Variants in TRIM9 observed in about 807,000 individuals in gnomAD.
The protein encoded by TRIM9 is tripartite motif containing 9.
A neutral mutation model predicts 78.3 loss-of-function variants in TRIM9; 26 were observed. That is an observed-to-expected ratio of 0.33 (90% CI 0.24 to 0.46). The LOEUF is 0.46. TRIM9 is among the 20% of genes least tolerant of loss of function. The pLI is 1.00. For missense variants in TRIM9, 787 were observed against 1,036.4 expected (o/e 0.76, Z 3.30); for synonymous variants, 398 against 416.5 (o/e 0.96, Z 0.54).
At chr14:51,087,634 A>T (rs934947764) in intron 1 of TRIM9, among the ~76,000 whole-genome samples, 1 of 152,198 alleles carries the variant, frequency 6.6e-6, no homozygotes, top group Non-Finnish European at 1.5e-5. Context: ...CATTTTATAG[A>T]TAACTCTTGT....
At chr14:51,076,185 T>C (rs2062767013) in intron 1 of TRIM9, among the ~76,000 whole-genome samples, 1 of 152,206 alleles carries the variant, frequency 6.6e-6, no homozygotes, top group South Asian at 2.1e-4. Context: ...ATAAATAACT[T>C]ACCAAAGACA....
At chr14:51,033,793 C>G (rs1226927713) in intron 1 of TRIM9, among the ~76,000 whole-genome samples, 3 of 152,140 alleles carry the variant, frequency 2.0e-5, no homozygotes, top group African/African-American at 7.2e-5. Context: ...TATTATAGAT[C>G]AAGCAGATAA....
chr14:50,978,341 A>T (rs2051332424), intron 12 of TRIM9, among the ~76,000 whole-genome samples: 1 of 152,132 alleles, frequency 6.6e-6, no homozygotes, highest in Non-Finnish European at 1.5e-5. Flanking sequence ...CCAGCTCAGG[A>T]GGGAAGTGAA....
At chr14:50,989,754 C>A (rs532273300) in intron 7 of TRIM9, among the ~76,000 whole-genome samples, 4 of 152,136 alleles carry the variant, frequency 2.6e-5, no homozygotes, top group Admixed American at 6.5e-5. Flanking sequence ...GGACTGTGTT[C>A]GTAACGAATA....
At chr14:50,983,955 T>G (rs540154720) in intron 8 of TRIM9, among the ~76,000 whole-genome samples, 29 of 152,318 alleles carry the variant, frequency 1.9e-4, no homozygotes, top group African/African-American at 7.0e-4. Context: ...GTGTTAAAAC[T>G]GCCTCCTTTC....
At chr14:51,013,265 C>T (rs2056790514) in intron 3 of TRIM9, among the ~76,000 whole-genome samples, 1 of 150,944 alleles carries the variant, frequency 6.6e-6, no homozygotes, top group Non-Finnish European at 1.5e-5. Context: ...CCAATTTTCC[C>T]CACACCACTT....
At chr14:50,982,436 G>A in intron 10 of TRIM9, 1 of 383,992 alleles carries the variant, frequency 2.6e-6, no homozygotes, top group Non-Finnish European at 4.9e-6. Context: ...GAGACATAAA[G>A]GGAGAGGGGA....
At chr14:51,039,848 A>G (rs1237011051) in intron 1 of TRIM9, among the ~76,000 whole-genome samples, 2 of 151,740 alleles carry the variant, frequency 1.3e-5, no homozygotes, top group South Asian at 2.1e-4. Flanking sequence ...CCGGGTTCAC[A>G]CCATTCTCCT....
intron 1 of TRIM9, among the ~76,000 whole-genome samples, chr14:51,025,758 G>T (rs1176561505): frequency 9.3e-6 from 1 of 107,190 alleles, no homozygotes; most frequent in Non-Finnish European, 1.9e-5. Context: ...TATTGGTCTG[G>T]GTAGGGCAGA....
intron 5 of TRIM9, among the ~76,000 whole-genome samples, chr14:51,008,507 A>C (rs2056135116): frequency 6.6e-6 from 1 of 152,178 alleles, no homozygotes; most frequent in Non-Finnish European, 1.5e-5. Flanking sequence ...GTTTTCCTTA[A>C]AATATTTTCA....
intron 1 of TRIM9, 26 bp from the exon 2 acceptor site, chr14:51,025,386 G>C: frequency 6.2e-7 from 1 of 1,609,928 alleles, no homozygotes; most frequent in Non-Finnish European, 8.5e-7. Context: ...AGGAAGCCAT[G>C]GAGCTGTAAT....
At chr14:51,063,758 G>A (rs372834409) in intron 1 of TRIM9, among the ~76,000 whole-genome samples, 4 of 151,896 alleles carry the variant, frequency 2.6e-5, no homozygotes, top group Admixed American at 6.6e-5. Flanking sequence ...AAAAATTAAC[G>A]GAAAAGAAAG....
At position 51,025,063 on chromosome 14, in the gene TRIM9, G is replaced by A. The variant is rs535050349; in HGVS notation, c.918+202C>T. Among the ~76,000 whole-genome samples, 23 of 152,230 alleles carry A rather than the reference G, an allele frequency of 1.5e-4. No homozygotes were observed. In the South Asian group the frequency reaches 3.9e-3, roughly 26 times the overall value. On this transcript the variant is annotated intron_variant, in intron 2 of 12. Transcript: ENST00000684578. ...AGTTGGAAAATCAGGCTGTGTTTCC[G>A]GCTTGTTGGCAAAAAGTAACTACCT...
At chr14:51,063,644 T>C (rs766913285) in intron 1 of TRIM9, among the ~76,000 whole-genome samples, 2 of 152,044 alleles carry the variant, frequency 1.3e-5, no homozygotes, top group African/African-American at 2.4e-5. Flanking sequence ...AACAGCTGAC[T>C]TCTCACCAAA....
intron 1 of TRIM9, among the ~76,000 whole-genome samples, chr14:51,088,266 G>A (rs1251687525): frequency 6.6e-6 from 1 of 152,114 alleles, no homozygotes; most frequent in African/African-American, 2.4e-5. Flanking sequence ...AACTTGTGTG[G>A]CACTCTAACA....
rs111729443 is a variant in TRIM9, at chr14:51,024,919, T to G, written c.918+346A>C. Among the ~76,000 whole-genome samples, 1,133 of 152,278 alleles carry G rather than the reference T, an allele frequency of 7.4e-3. 10 individuals carry two copies. Among genetic ancestry groups the G allele is most frequent in the African/African-American group, 0.026 (1,088 of 41,544 alleles). On this transcript the variant is annotated intron_variant, in intron 2 of 12. Coordinates refer to ENST00000684578, the MANE Select transcript of TRIM9 (RefSeq NM_001387360.1). Reference sequence around the variant, plus strand: ...ATGATACAATTATTACAAGGTGTTTTGGAAACCTACAAGGTTTTACAAGCT... The same window carrying G: ...ATGATACAATTATTACAAGGTGTTTGGGAAACCTACAAGGTTTTACAAGCT...
intron 1 of TRIM9, among the ~76,000 whole-genome samples, chr14:51,037,717 A>T (rs983364872): frequency 6.6e-5 from 10 of 151,940 alleles, no homozygotes; most frequent in Admixed American, 2.0e-4. Context: ...CTTTAAAAAA[A>T]TTTTTTTTCA....
chr14:50,983,021 A>G lies in TRIM9; in HGVS notation c.1835-56T>C, dbSNP rs2052177104. 25 of 1,505,106 alleles carry G rather than the reference A, an allele frequency of 1.7e-5. No individual in the cohort carries two copies. In the East Asian group the frequency reaches 5.2e-4, roughly 31 times the overall value. 93.2% of individuals were successfully genotyped at this position (1,505,106 alleles called of 1,614,324 possible). A position where few individuals can be genotyped will look rare whatever the true frequency, so the allele number is the denominator to read the frequency against. On this transcript the variant is annotated intron_variant, in intron 9 of 12. Transcript: ENST00000684578. ...GAGAGAGATAGGAAGCAAAATTGAC[A>G]TGGATAAGAAAATGTGTCTCTCTTG... is the stretch of plus-strand genomic sequence containing the variant.
intron 2 of TRIM9, 143 bp from the exon 3 acceptor site, chr14:51,023,100 G>T: frequency 9.0e-7 from 1 of 1,111,492 alleles, no homozygotes; most frequent in Non-Finnish European, 1.3e-6. Flanking sequence ...AAAAATAACT[G>T]GATAAACTTT....
Sources: gnomAD v4.1 joint callset for allele counts (sites outside exome capture counted in the v4.1 genomes callset) on GRCh38, gnomAD v4.1.1 for gene constraint, MANE v1.5 for transcripts, NCBI Gene and HGNC (gene_info 2026-07-23, HGNC 2026-07-21) for gene names.